TNFAIP8: variants seen among roughly 807,000 people sequenced by gnomAD.
TNFAIP8 encodes the protein tumor necrosis factor alpha-induced protein 8.
In TNFAIP8, 7 loss-of-function variants were observed where a neutral mutation model predicts 13.3. The observed-to-expected ratio is 0.52, with a 90% CI of 0.30 to 0.99. TNFAIP8 has a LOEUF of 0.99. Among genes scored for constraint, TNFAIP8 ranks in the 50% least tolerant of loss-of-function variants. TNFAIP8 has a pLI of 0.07. For synonymous variants in TNFAIP8, 94 were observed against 87.6 expected, an observed-to-expected ratio of 1.07 and a Z score of -0.41; for missense variants, 258 against 236.9, an observed-to-expected ratio of 1.09 and a Z score of -0.58.
chr5:119,371,840 G>A (rs1273667273), intron 1 of TNFAIP8, among the ~76,000 whole-genome samples: 1 of 152,042 alleles, frequency 6.6e-6, no homozygotes, highest in Non-Finnish European at 1.5e-5. Context: ...GGGGCAACAT[G>A]GCAAAACCCC....
intron 1 of TNFAIP8, among the ~76,000 whole-genome samples, chr5:119,271,290 A>G (rs193284015): frequency 1.2e-3 from 181 of 152,346 alleles, no homozygotes; most frequent in African/African-American, 4.1e-3. Context: ...TATGTGACTT[A>G]CGGCTTGGAG....
chr5:119,280,824 T>TC (rs1485983955), intron 1 of TNFAIP8, among the ~76,000 whole-genome samples: 1 of 152,230 alleles, frequency 6.6e-6, no homozygotes, highest in African/African-American at 2.4e-5. Flanking sequence ...AGGAAAGGGA[T>TC]GATAAATGCT....
At chr5:119,311,646 G>A (rs974838582) in intron 1 of TNFAIP8, among the ~76,000 whole-genome samples, 9 of 129,198 alleles carry the variant, frequency 7.0e-5, no homozygotes, top group South Asian at 2.4e-4. Flanking sequence ...CCAAAATTGC[G>A]CCACTGCACT....
At chr5:119,316,434 C>A (rs1749897846) in intron 1 of TNFAIP8, 1 of 152,236 alleles carries the variant, frequency 6.6e-6, no homozygotes, top group African/African-American at 2.4e-5. Flanking sequence ...GCTAGGATTA[C>A]AGGCGTGAGC....
intron 1 of TNFAIP8, among the ~76,000 whole-genome samples, chr5:119,374,576 C>G (rs1752208486): frequency 6.6e-6 from 1 of 152,208 alleles, no homozygotes; most frequent in Non-Finnish European, 1.5e-5. Context: ...CGCCTTCTAG[C>G]TCAGCTTGGT....
At chr5:119,328,501 G>A (rs1323036280) in intron 1 of TNFAIP8, among the ~76,000 whole-genome samples, 1 of 152,184 alleles carries the variant, frequency 6.6e-6, no homozygotes, top group African/African-American at 2.4e-5. Flanking sequence ...AACAAAAGGA[G>A]GTTTAACAGA....
chr5:119,288,495 GA>G (rs1707795873), intron 1 of TNFAIP8, among the ~76,000 whole-genome samples: 1 of 151,962 alleles, frequency 6.6e-6, no homozygotes, highest in Non-Finnish European at 1.5e-5. Flanking sequence ...TGAGCCACTG[GA>G]AAAAAGTTTT....
In TNFAIP8 at chr5:119,381,399, G is replaced by A. The variant is rs143625650; in HGVS notation, c.32-11417G>A. Reference sequence around the variant, plus strand: ...CTACCCAAAAAAATACAGAAAATTAGCCAAGCATGGTGGTGTGCCTGTTCC... The same window carrying A: ...CTACCCAAAAAAATACAGAAAATTAACCAAGCATGGTGGTGTGCCTGTTCC... On this transcript the variant is annotated intron_variant, in intron 1 of 1. Transcript: ENST00000504771. 3.4e-3 allele frequency among the ~76,000 whole-genome samples: 524 copies of A among 152,188 alleles called. 3 individuals are homozygous for A. The highest frequency in any genetic ancestry group is 0.012 in the African/African-American group (509 of 41,520).
intron 1 of TNFAIP8, among the ~76,000 whole-genome samples, chr5:119,363,395 G>C (rs1307594959): frequency 1.3e-5 from 2 of 152,224 alleles, no homozygotes; most frequent in African/African-American, 4.8e-5. Context: ...CCAAGAGCAA[G>C]TGCCCCAGCC....
chr5:119,356,495 G>A (rs904696565), intron 1 of TNFAIP8, among the ~76,000 whole-genome samples: 2 of 152,202 alleles, frequency 1.3e-5, no homozygotes, highest in African/African-American at 2.4e-5. Context: ...GAAGAGCCCT[G>A]AGTGGAGGGT....
chr5:119,384,543 T>C (rs1270873089), intron 1 of TNFAIP8, among the ~76,000 whole-genome samples: 1 of 152,160 alleles, frequency 6.6e-6, no homozygotes, highest in Non-Finnish European at 1.5e-5. Flanking sequence ...CCAGGGATAA[T>C]GTAGTACAAA....
chr5:119,284,498 T>C (rs1203707935), intron 1 of TNFAIP8, among the ~76,000 whole-genome samples: 1 of 152,026 alleles, frequency 6.6e-6, no homozygotes, highest in African/African-American at 2.4e-5. Flanking sequence ...TTGACCAACA[T>C]GGCAAAACCC....
At chr5:119,290,449 C>A (rs972312644) in intron 1 of TNFAIP8, among the ~76,000 whole-genome samples, 1 of 152,148 alleles carries the variant, frequency 6.6e-6, no homozygotes, top group African/African-American at 2.4e-5. Context: ...AATATGTAAA[C>A]CTCTTCACAG....
intron 1 of TNFAIP8, among the ~76,000 whole-genome samples, chr5:119,385,740 A>G (rs1376233476): frequency 6.6e-6 from 1 of 152,196 alleles, no homozygotes; most frequent in Non-Finnish European, 1.5e-5. Flanking sequence ...GGCATTTTGC[A>G]TTTCTCAGTT....
intron 1 of TNFAIP8, among the ~76,000 whole-genome samples, chr5:119,358,031 G>A (rs934497625): frequency 6.6e-6 from 1 of 151,704 alleles, no homozygotes; most frequent in East Asian, 1.9e-4. Flanking sequence ...TCGATGAAGC[G>A]AGCTATGTTG....
chr5:119,390,634 G>A (rs936294185), intron 1 of TNFAIP8, among the ~76,000 whole-genome samples: 10 of 151,738 alleles, frequency 6.6e-5, no homozygotes, highest in African/African-American at 1.7e-4. Flanking sequence ...TTTAAATTTC[G>A]ACATTTGTGA....
intron 1 of TNFAIP8, among the ~76,000 whole-genome samples, chr5:119,391,921 G>A (rs567546837): frequency 3.7e-4 from 57 of 152,284 alleles, no homozygotes; most frequent in African/African-American, 1.3e-3. Context: ...TATTTAATAT[G>A]TATAGCCATT....
chr5:119,375,535 G>A (rs757867941), intron 1 of TNFAIP8, among the ~76,000 whole-genome samples: 28 of 152,184 alleles, frequency 1.8e-4, no homozygotes, highest in Non-Finnish European at 4.4e-5. Context: ...TAATCTTCAA[G>A]ACAGCAAGTT....
rs1752956696 is a variant in TNFAIP8 at position 119,392,997 on chromosome 5, C to A, written c.213C>A (p.Ile71=). 6.2e-7 allele frequency: 1 copy of A among 1,612,942 alleles called. No individual in the cohort carries two copies. The highest frequency in any genetic ancestry group is 2.2e-5 in the East Asian group (1 of 44,772). The part of the protein sequence containing the change: ...YTQNKKEAEK[I]IKNLIKTVIK... ...AAAACAAGAAGGAGGCAGAGAAGAT[C>A]ATCAAGAACCTCATCAAGACAGTCA... Residue 71 remains isoleucine (I), a synonymous_variant, in exon 2 of 2, where the codon ATC becomes ATA. Coordinates refer to ENST00000504771, the MANE Select transcript of TNFAIP8 (RefSeq NM_014350.4).
Sources: allele counts gnomAD v4.1 joint callset (sites outside exome capture counted in the v4.1 genomes callset), GRCh38; gene constraint gnomAD v4.1.1; transcripts MANE v1.5; gene names NCBI Gene and HGNC (gene_info 2026-07-23, HGNC 2026-07-21).